DENND2B: variants seen among roughly 807,000 people sequenced by gnomAD.
DENND2B encodes the protein DENN domain containing 2B, also known as DENN domain-containing protein 2B.
In DENND2B, 32 loss-of-function variants were observed where a neutral mutation model predicts 116.0. The observed-to-expected ratio is 0.28, with a 90% confidence interval of 0.21 to 0.37. The LOEUF (loss-of-function observed/expected upper bound fraction) is 0.37. Among genes scored for constraint, DENND2B ranks in the 10% least tolerant of loss-of-function variants. DENND2B has a pLI of 1.00. For missense variants in DENND2B, 1,276 were observed against 1,477.7 expected (o/e 0.86, Z 2.24); for synonymous variants, 588 against 583.9 (o/e 1.01, Z -0.10).
At chr11:8,733,983 C>A (rs180892520) in intron 2 of DENND2B, among the ~76,000 whole-genome samples, 38 of 152,286 alleles carry the variant, frequency 2.5e-4, no homozygotes, top group African/African-American at 2.2e-4. Flanking sequence ...ACCCTTGCCC[C>A]AGCCTCCCCA....
chr11:8,796,201 G>A (rs992371039), intron 1 of DENND2B, among the ~76,000 whole-genome samples: 12 of 152,026 alleles, frequency 7.9e-5, no homozygotes, highest in Admixed American at 2.0e-4. Flanking sequence ...TCAGAATCCC[G>A]GGCCTTCACT....
intron 3 of DENND2B, among the ~76,000 whole-genome samples, chr11:8,849,543 G>A (rs1255761949): frequency 6.7e-6 from 1 of 148,612 alleles, no homozygotes; most frequent in Non-Finnish European, 1.5e-5. Context: ...GACTGATAAG[G>A]CCAGGCATGG....
intron 2 of DENND2B, among the ~76,000 whole-genome samples, chr11:8,877,859 G>T (rs2063861232): frequency 6.6e-6 from 1 of 152,094 alleles, no homozygotes; most frequent in African/African-American, 2.4e-5. Context: ...AACTATTTTT[G>T]ACACTGGGGG....
At chr11:8,711,335 G>A (rs752200458) in intron 9 of DENND2B, 104 bp from the exon 10 acceptor site, 23 of 912,814 alleles carry the variant, frequency 2.5e-5, no homozygotes, top group South Asian at 5.6e-5. Flanking sequence ...ACTGACTAGC[G>A]GGCATGATCT....
intron 11 of DENND2B, 88 bp downstream of exon 11, chr11:8,710,757 A>ACG: frequency 1.1e-5 from 2 of 182,198 alleles, no homozygotes; most frequent in South Asian, 1.7e-4. Flanking sequence ...AGAAGGGCAC[A>ACG]CACACACACA....
At chr11:8,841,055 T>A (rs185498692) in intron 3 of DENND2B, among the ~76,000 whole-genome samples, 1 of 152,164 alleles carries the variant, frequency 6.6e-6, no homozygotes, top group Admixed American at 6.5e-5. Flanking sequence ...ATTCCCAAAC[T>A]GACAAATATC....
intron 1 of DENND2B, among the ~76,000 whole-genome samples, chr11:8,801,031 T>A (rs2060263415): frequency 1.3e-5 from 2 of 150,402 alleles, no homozygotes; most frequent in South Asian, 4.2e-4. Flanking sequence ...CCAGAGACAT[T>A]TGCCACTTCA....
intron 2 of DENND2B, among the ~76,000 whole-genome samples, chr11:8,740,682 T>C (rs1334750252): frequency 6.6e-6 from 1 of 152,114 alleles, no homozygotes; most frequent in Non-Finnish European, 1.5e-5. Context: ...GGGCTCAGTG[T>C]CCAAAATGCT....
chr11:8,803,079 T>C (rs913600443), intron 1 of DENND2B, among the ~76,000 whole-genome samples: 4 of 152,116 alleles, frequency 2.6e-5, no homozygotes, highest in East Asian at 1.9e-4. Flanking sequence ...ACACAAGATA[T>C]ACACATTTGA....
At chr11:8,696,343 C>CA in intron 18 of DENND2B, 84 bp downstream of exon 18, 1 of 1,563,550 alleles carries the variant, frequency 6.4e-7, no homozygotes, top group Non-Finnish European at 8.7e-7. Context: ...AGCTGATGTC[C>CA]AAGAGCTTCC....
At chr11:8,700,068 G>T (rs994081102) in intron 14 of DENND2B, 142 of 452,352 alleles carry the variant, frequency 3.1e-4, no homozygotes, top group East Asian at 2.0e-3. Flanking sequence ...CTGGCCTGGG[G>T]GGGGGCAGGG....
intron 2 of DENND2B, among the ~76,000 whole-genome samples, chr11:8,861,847 A>T (rs2063403347): frequency 6.6e-6 from 1 of 152,238 alleles, no homozygotes; most frequent in African/African-American, 2.4e-5. Flanking sequence ...CTACTCAGCC[A>T]TAAAAAAAGA....
At chr11:8,835,386 C>T (rs1425222263) in intron 4 of DENND2B, among the ~76,000 whole-genome samples, 3 of 152,166 alleles carry the variant, frequency 2.0e-5, no homozygotes, top group South Asian at 2.1e-4. Flanking sequence ...TACTTCAAAC[C>T]GTCTACTTTC....
intron 1 of DENND2B, among the ~76,000 whole-genome samples, chr11:8,781,063 T>C (rs1002824191): frequency 5.9e-5 from 9 of 152,152 alleles, no homozygotes; most frequent in African/African-American, 1.9e-4. Flanking sequence ...AAAGTGAAAC[T>C]GCTCCAAGTG....
At chr11:8,721,483 G>C (rs2046166489) in intron 4 of DENND2B, among the ~76,000 whole-genome samples, 1 of 127,512 alleles carries the variant, frequency 7.8e-6, no homozygotes, top group African/African-American at 2.8e-5. Flanking sequence ...AGGGTCCTGG[G>C]TCTGCAGCTT....
At chr11:8,699,449 C>A in intron 14 of DENND2B, 59 bp from the exon 15 acceptor site, 1 of 1,508,832 alleles carries the variant, frequency 6.6e-7, no homozygotes, top group South Asian at 1.3e-5. Context: ...TTAGAGCTCG[C>A]TGGAGGCTCA....
At chr11:8,800,585 T>G (rs1017818421) in intron 1 of DENND2B, among the ~76,000 whole-genome samples, 2 of 152,136 alleles carry the variant, frequency 1.3e-5, no homozygotes, top group African/African-American at 4.8e-5. Context: ...AAGAGAAAAT[T>G]TGTGAAGCCT....
At chr11:8,859,509 C>T (rs2063322740) in intron 2 of DENND2B, among the ~76,000 whole-genome samples, 1 of 152,094 alleles carries the variant, frequency 6.6e-6, no homozygotes, top group Middle Eastern at 3.2e-3. Flanking sequence ...GGGGTTTCAC[C>T]ATGTTAGCCA....
At chr11:8,769,480 G>C (rs1335307759) in intron 1 of DENND2B, among the ~76,000 whole-genome samples, 2 of 151,906 alleles carry the variant, frequency 1.3e-5, no homozygotes, top group African/African-American at 4.8e-5. Context: ...GGCTGGTATC[G>C]AACTCCTGAC....
Sources: gnomAD v4.1 joint callset for allele counts (sites outside exome capture counted in the v4.1 genomes callset) on GRCh38, gnomAD v4.1.1 for gene constraint, MANE v1.5 for transcripts, NCBI Gene and HGNC (gene_info 2026-07-23, HGNC 2026-07-21) for gene names.